The following MYO10 variants were observed in gnomAD, a reference collection of about 807,000 sequenced individuals.
The protein encoded by MYO10 is myosin X, also known as unconventional myosin-X.
MYO10 carries 133 observed loss-of-function variants against 257.3 expected under a neutral mutation model. The ratio of observed to expected loss-of-function variants is 0.52; its 90% CI spans 0.45 to 0.60. MYO10 has a LOEUF of 0.60. Among genes scored for constraint, MYO10 ranks in the 20% least tolerant of loss-of-function variants. The pLI is 0.00. For synonymous variants in MYO10, 1,104 were observed against 1,028.6 expected, an observed-to-expected ratio of 1.07 and a Z score of -1.40; for missense variants, 2,399 against 2,635.7, an observed-to-expected ratio of 0.91 and a Z score of 1.97.
chr5:16,709,802 A>G (rs1738512471), intron 21 of MYO10, among the ~76,000 whole-genome samples: 1 of 152,214 alleles, frequency 6.6e-6, no homozygotes, highest in South Asian at 2.1e-4. Context: ...AGCAATAGCT[A>G]GCTCATGTGA....
rs559818866 is a variant in MYO10, at chr5:16,820,919, A to G, written c.121-2752T>C. On this transcript the variant is annotated intron_variant, in intron 2 of 40. Coordinates refer to ENST00000513610, the MANE Select transcript of MYO10 (RefSeq NM_012334.3). ...TACATATATCTTATATGTATTTTACATATATAAAACATCTTATATATTATA... is the reference window on the plus strand; with the variant it reads ...TACATATATCTTATATGTATTTTACGTATATAAAACATCTTATATATTATA... Among the ~76,000 whole-genome samples, 1,316 of 148,252 alleles carry G rather than the reference A, an allele frequency of 8.9e-3. 14 individuals are homozygous for G. The highest frequency in any genetic ancestry group is 0.014 in the Non-Finnish European group (951 of 67,292).
At chr5:16,781,458 T>C (rs1330703340) in intron 6 of MYO10, among the ~76,000 whole-genome samples, 1 of 150,208 alleles carries the variant, frequency 6.7e-6, no homozygotes, top group Non-Finnish European at 1.5e-5. Flanking sequence ...GGCCTCTAAC[T>C]CTTGAGCTCA....
At position 16,698,709 on chromosome 5, in the gene MYO10, C is replaced by T. The variant is rs377417784; in HGVS notation, c.3556+741G>A. Among the ~76,000 whole-genome samples the T allele has an allele frequency of 1.8e-3, 268 of 147,646 alleles. 17 individuals carry two copies. The highest frequency in any genetic ancestry group is 6.6e-3 in the African/African-American group (255 of 38,534). On this transcript the variant is annotated intron_variant, in intron 26 of 40. Coordinates refer to ENST00000513610, the MANE Select transcript of MYO10 (RefSeq NM_012334.3). Reference sequence around the variant, plus strand: ...CGCGATCTCGGCTCACTGCAAGCTCCGCCTCCTGGGTTCACGCCATTCTCC... The same window carrying T: ...CGCGATCTCGGCTCACTGCAAGCTCTGCCTCCTGGGTTCACGCCATTCTCC...
At chr5:16,828,945 A>G (rs1352617218) in intron 2 of MYO10, among the ~76,000 whole-genome samples, 1 of 152,018 alleles carries the variant, frequency 6.6e-6, no homozygotes, top group Admixed American at 6.6e-5. Context: ...ACTCTCTTTT[A>G]AGTTTCCTCA....
intron 19 of MYO10, chr5:16,713,205 CCT>C (rs1738699466): frequency 4.9e-6 from 3 of 609,108 alleles, no homozygotes; most frequent in African/African-American, 2.0e-5. Context: ...TTCCTGATCC[CCT>C]CTTTTCTCCC....
intron 19 of MYO10, among the ~76,000 whole-genome samples, chr5:16,720,902 ATATGTGAAT>A (rs1739130018): frequency 6.6e-6 from 1 of 152,212 alleles, no homozygotes. Context: ...GAAACATAAA[ATATGTGAAT>A]TATGTAATAA....
At chr5:16,732,390 TG>T (rs1739618925) in intron 19 of MYO10, among the ~76,000 whole-genome samples, 1 of 152,190 alleles carries the variant, frequency 6.6e-6, no homozygotes, top group African/African-American at 2.4e-5. Flanking sequence ...TATAATCTGT[TG>T]CCCTTTTATC....
chr5:16,909,333 T>C (rs1205247254), intron 1 of MYO10, among the ~76,000 whole-genome samples: 1 of 151,958 alleles, frequency 6.6e-6, no homozygotes, highest in East Asian at 1.9e-4. Flanking sequence ...TGGTGAAACC[T>C]TGCCTCTACT....
chr5:16,812,013 C>T (rs1742455809), intron 3 of MYO10, among the ~76,000 whole-genome samples: 1 of 152,172 alleles, frequency 6.6e-6, no homozygotes, highest in Non-Finnish European at 1.5e-5. Context: ...TCTTAGCAGG[C>T]GGTGACAGGA....
intron 9 of MYO10, among the ~76,000 whole-genome samples, chr5:16,778,296 G>C (rs959884893): frequency 6.6e-6 from 1 of 152,146 alleles, no homozygotes; most frequent in Admixed American, 6.5e-5. Flanking sequence ...CAAAGCCCTT[G>C]CAAGAGACCA....
chr5:16,906,760 T>C (rs1161440795), intron 1 of MYO10, among the ~76,000 whole-genome samples: 1 of 152,190 alleles, frequency 6.6e-6, no homozygotes, highest in Admixed American at 6.5e-5. Flanking sequence ...CCTTCTGCAG[T>C]AATGTCTCCT....
chr5:16,736,167 T>TAGCGACAGGCTGGA (rs1739792902), intron 19 of MYO10, among the ~76,000 whole-genome samples: 1 of 152,200 alleles, frequency 6.6e-6, no homozygotes, highest in Non-Finnish European at 1.5e-5. Flanking sequence ...AACTACTTTG[T>TAGCGACAGGCTGGA]AGCGACAGGC....
At chr5:16,694,047 TA>T (rs1737623788) in intron 27 of MYO10, among the ~76,000 whole-genome samples, 1 of 152,228 alleles carries the variant, frequency 6.6e-6, no homozygotes, top group South Asian at 2.1e-4. Context: ...CATTAACCCA[TA>T]AAAAGACTCA....
chr5:16,885,785 T>C (rs1024063017), intron 1 of MYO10, among the ~76,000 whole-genome samples: 1 of 152,078 alleles, frequency 6.6e-6, no homozygotes, highest in South Asian at 2.1e-4. Flanking sequence ...GAGGGAGCAC[T>C]GTGAGCTGGG....
intron 19 of MYO10, among the ~76,000 whole-genome samples, chr5:16,748,820 G>A (rs1381485427): frequency 1.3e-5 from 2 of 152,156 alleles, no homozygotes; most frequent in African/African-American, 4.8e-5. Flanking sequence ...CTAGGATGTT[G>A]TCAACCTGAG....
At chr5:16,900,325 A>C (rs1745342555) in intron 1 of MYO10, among the ~76,000 whole-genome samples, 1 of 152,200 alleles carries the variant, frequency 6.6e-6, no homozygotes, top group Non-Finnish European at 1.5e-5. Context: ...TAATTTCAAC[A>C]TGATCATGGA....
In MYO10 at chr5:16,936,094, A is replaced by G. The variant is rs1196833358; in HGVS notation, c.-286T>C. 2 of 447,750 alleles carry G rather than the reference A, an allele frequency of 4.5e-6. No homozygotes were observed. The highest frequency in any genetic ancestry group is 8.0e-6 in the Non-Finnish European group (2 of 251,118). 27.7% of individuals were successfully genotyped at this position (447,750 alleles called of 1,614,324 possible). On this transcript the variant is annotated 5_prime_UTR_variant, in exon 1 of 41. An upstream start codon of the reference 5' UTR is lost. Coordinates refer to ENST00000513610, the MANE Select transcript of MYO10 (RefSeq NM_012334.3). Reference sequence around the variant, plus strand: ...GCAAGCGGAGAACAGCTGGTGGCACATTCTTCCCCCAGGCGGGGGAAGGCG... The same window carrying G: ...GCAAGCGGAGAACAGCTGGTGGCACGTTCTTCCCCCAGGCGGGGGAAGGCG...
intron 31 of MYO10, 64 bp downstream of exon 31, chr5:16,681,807 T>C (rs1173966260): frequency 2.0e-6 from 3 of 1,531,606 alleles, no homozygotes; most frequent in Non-Finnish European, 2.7e-6. Flanking sequence ...ATGCTGCAGA[T>C]GTCTATATGC....
chr5:16,750,621 T>C (rs1448982535), intron 19 of MYO10, among the ~76,000 whole-genome samples: 2 of 152,182 alleles, frequency 1.3e-5, no homozygotes, highest in African/African-American at 4.8e-5. Flanking sequence ...GGTGTTTCTG[T>C]TGTTCCAATG....
Sources: allele counts gnomAD v4.1 joint callset (sites outside exome capture counted in the v4.1 genomes callset), GRCh38; gene constraint gnomAD v4.1.1; transcripts MANE v1.5; gene names NCBI Gene and HGNC (gene_info 2026-07-23, HGNC 2026-07-21).